Variants in LINGO2 observed in about 807,000 individuals in gnomAD.
The protein encoded by LINGO2 is leucine rich repeat and Ig domain containing 2.
In LINGO2, 14 loss-of-function variants were observed where a neutral mutation model predicts 30.6. That is an observed-to-expected ratio of 0.46 (90% CI 0.30 to 0.72). The LOEUF (loss-of-function observed/expected upper bound fraction) is 0.72. Among genes scored for constraint, LINGO2 ranks in the 30% least tolerant of loss-of-function variants. The pLI is 0.07. For synonymous variants in LINGO2, 317 were observed against 288.5 expected (o/e 1.10, Z -1.00); for missense variants, 729 against 751.7 (o/e 0.97, Z 0.35).
rs557827121 is a variant in LINGO2, at chr9:28,641,818, A to G, written c.-365+28382T>C. Among the ~76,000 whole-genome samples the G allele has an allele frequency of 2.6e-5, 4 of 152,272 alleles. No homozygotes were observed. In the South Asian group the frequency reaches 8.3e-4, roughly 32 times the overall value. ...CATTGGCAGTGGAGAGAAGGAAAGCAAGTGTGATTTTTACCAGCGTTCCAT... is the reference window on the plus strand; with the variant it reads ...CATTGGCAGTGGAGAGAAGGAAAGCGAGTGTGATTTTTACCAGCGTTCCAT... On this transcript the variant is annotated intron_variant, in intron 1 of 5. Transcript: ENST00000379992.
chr9:28,196,802 G>C lies in LINGO2; in HGVS notation c.-87+98406C>G, dbSNP rs78939210. On this transcript the variant is annotated intron_variant, in intron 4 of 5. Coordinates refer to ENST00000379992, the Ensembl canonical transcript of LINGO2. ...TGTTAAACAAAATAAGTCAGGTATA[G>C]AAATACAAATATCACATGTTCTCAC... 3.3e-4 allele frequency among the ~76,000 whole-genome samples: 50 copies of C among 152,014 alleles called. 1 individual carries two copies. In the East Asian group the frequency reaches 8.9e-3, roughly 27 times the overall value.
intron 4 of LINGO2, among the ~76,000 whole-genome samples, chr9:28,210,490 G>A (rs1455823692): frequency 6.6e-6 from 1 of 151,626 alleles, no homozygotes; most frequent in African/African-American, 2.4e-5. Context: ...ATGAACTAAT[G>A]AGTTGGGAGA....
At chr9:28,135,054 A>T (rs1827479679) in intron 4 of LINGO2, among the ~76,000 whole-genome samples, 1 of 152,352 alleles carries the variant, frequency 6.6e-6, no homozygotes, top group East Asian at 1.9e-4. Context: ...AATCTTCTAC[A>T]TTCAACCACG....
chr9:28,594,956 C>T (rs572067047), intron 1 of LINGO2, among the ~76,000 whole-genome samples: 7 of 152,114 alleles, frequency 4.6e-5, no homozygotes, highest in East Asian at 1.9e-4. Flanking sequence ...TTCTTTAAAA[C>T]GTAAGATTTC....
intron 4 of LINGO2, among the ~76,000 whole-genome samples, chr9:28,253,319 G>T (rs1309352896): frequency 6.6e-6 from 1 of 152,062 alleles, no homozygotes; most frequent in Admixed American, 6.6e-5. Context: ...ACTCTGCAGG[G>T]CAGTGTACTA....
intron 4 of LINGO2, among the ~76,000 whole-genome samples, chr9:28,053,702 C>A (rs528321426): frequency 3.9e-5 from 6 of 152,116 alleles, no homozygotes; most frequent in Non-Finnish European, 7.4e-5. Context: ...ATCATGAAAT[C>A]TTGATATAAT....
At chr9:28,373,522 G>A (rs990700049) in intron 2 of LINGO2, among the ~76,000 whole-genome samples, 2 of 152,052 alleles carry the variant, frequency 1.3e-5, no homozygotes, top group African/African-American at 2.4e-5. Flanking sequence ...TTACCCAAAC[G>A]ATGTTTTTTT....
the LINGO2 span, among the ~76,000 whole-genome samples, chr9:28,764,839 T>C: frequency 6.6e-6 from 1 of 151,866 alleles, no homozygotes; most frequent in Admixed American, 6.6e-5. Context: ...AAATCAGTAG[T>C]ATTTCTTTAC....
the LINGO2 span, among the ~76,000 whole-genome samples, chr9:29,191,467 TTC>T: frequency 2.0e-5 from 3 of 152,122 alleles, no homozygotes; most frequent in African/African-American, 4.8e-5. Flanking sequence ...TAGGTTTTGT[TTC>T]TGTTTTTTTT....
chr9:28,118,594 T>C (rs889997701), intron 4 of LINGO2, among the ~76,000 whole-genome samples: 1 of 152,144 alleles, frequency 6.6e-6, no homozygotes, highest in African/African-American at 2.4e-5. Flanking sequence ...TTCAGTGTGA[T>C]TTTTGGGAGA....
At chr9:29,021,989 T>C in the LINGO2 span, among the ~76,000 whole-genome samples, 1 of 152,142 alleles carries the variant, frequency 6.6e-6, no homozygotes, top group Non-Finnish European at 1.5e-5. Flanking sequence ...CTTATGGCAG[T>C]AAAGACAGAG....
At chr9:28,902,507 G>C in the LINGO2 span, among the ~76,000 whole-genome samples, 1 of 152,074 alleles carries the variant, frequency 6.6e-6, no homozygotes, top group Non-Finnish European at 1.5e-5. Flanking sequence ...GGAAACATCA[G>C]GCTTAATCTG....
intron 5 of LINGO2, among the ~76,000 whole-genome samples, chr9:28,011,394 T>C (rs1171697255): frequency 2.0e-5 from 3 of 152,152 alleles, no homozygotes; most frequent in Non-Finnish European, 2.9e-5. Context: ...ATAGCAAGAA[T>C]AGAGAGTACA....
intron 1 of LINGO2, among the ~76,000 whole-genome samples, chr9:28,562,144 A>G (rs1823120989): frequency 6.6e-6 from 1 of 152,026 alleles, no homozygotes; most frequent in African/African-American, 2.4e-5. Flanking sequence ...GTTACTAAAA[A>G]TGCTCTGCTA....
At chr9:28,866,844 C>T in the LINGO2 span, among the ~76,000 whole-genome samples, 124 of 152,206 alleles carry the variant, frequency 8.1e-4, 1 homozygote, top group Non-Finnish European at 1.5e-3. Context: ...AGAGGACAGA[C>T]GTCGTTGGTG....
the LINGO2 span, among the ~76,000 whole-genome samples, chr9:28,848,069 A>ATAGT: frequency 2.8e-4 from 12 of 43,486 alleles, no homozygotes; most frequent in African/African-American, 7.2e-4. Context: ...ATATGTATAT[A>ATAGT]ATATATATAT....
intron 4 of LINGO2, among the ~76,000 whole-genome samples, chr9:28,273,296 A>T (rs549591796): frequency 6.6e-6 from 1 of 152,274 alleles, no homozygotes; most frequent in South Asian, 2.1e-4. Context: ...TCCTATTTAC[A>T]CTGGTTTTAT....
At chr9:28,415,346 A>G (rs1822924162) in intron 2 of LINGO2, among the ~76,000 whole-genome samples, 1 of 152,130 alleles carries the variant, frequency 6.6e-6, no homozygotes. Context: ...AATGTTTTTG[A>G]TGACAACAGG....
At chr9:28,082,692 A>G (rs891612446) in intron 4 of LINGO2, among the ~76,000 whole-genome samples, 5 of 152,164 alleles carry the variant, frequency 3.3e-5, no homozygotes, top group African/African-American at 1.2e-4. Flanking sequence ...TCTCCACTTC[A>G]CAATGAGAAA....
Sources: gnomAD v4.1 joint callset for allele counts (sites outside exome capture counted in the v4.1 genomes callset) on GRCh38, gnomAD v4.1.1 for gene constraint, MANE v1.5 for transcripts, NCBI Gene and HGNC (gene_info 2026-07-23, HGNC 2026-07-21) for gene names.